Variants in RNASE4 observed in about 807,000 individuals in gnomAD.
RNASE4 encodes ribonuclease A family member 4.
For missense variants in RNASE4, 194 were observed against 192.8 expected, an observed-to-expected ratio of 1.01 and a Z score of -0.04; for synonymous variants, 93 against 71.4, an observed-to-expected ratio of 1.30 and a Z score of -1.52.
intron 1 of RNASE4, among the ~76,000 whole-genome samples, chr14:20,692,993 G>A (rs1210584630): frequency 1.3e-5 from 2 of 150,898 alleles, no homozygotes; most frequent in Non-Finnish European, 3.0e-5. Context: ...GACTACAGGC[G>A]CCCGCCACTA....
chr14:20,690,273 A>AGAACAGCT (rs1409556645), intron 1 of RNASE4, among the ~76,000 whole-genome samples: 1 of 151,328 alleles, frequency 6.6e-6, no homozygotes, highest in African/African-American at 2.4e-5. Flanking sequence ...AAAAGGACAG[A>AGAACAGCT]GAACAGCTGG....
chr14:20,687,497 G>T (rs1886481046), intron 1 of RNASE4, among the ~76,000 whole-genome samples: 1 of 152,200 alleles, frequency 6.6e-6, no homozygotes, highest in Admixed American at 6.5e-5. Flanking sequence ...GGCGCATATG[G>T]GTTGTATGCT....
rs531583796 is a variant in RNASE4 at position 20,694,491 on chromosome 14, G to C, written c.-17-4864G>C. 2.0e-5 allele frequency among the ~76,000 whole-genome samples: 3 copies of C among 151,958 alleles called. No homozygotes were observed. In the South Asian group the frequency reaches 6.2e-4, roughly 32 times the overall value. On this transcript the variant is annotated intron_variant, in intron 1 of 1. Coordinates refer to ENST00000555835, the MANE Select transcript of RNASE4 (RefSeq NM_002937.5). ...ATTTTTGTGTTTTTAGTAGAGACAG[G>C]GTTTCACCGTTTTGGCCAGGTTGGT...
intron 1 of RNASE4, chr14:20,693,893 G>A: frequency 6.2e-7 from 1 of 1,614,162 alleles, no homozygotes; most frequent in East Asian, 2.2e-5. Flanking sequence ...CTACATGGAG[G>A]TTCCCCCTGG....
intron 1 of RNASE4, among the ~76,000 whole-genome samples, chr14:20,695,417 T>C (rs866331289): frequency 1.4e-5 from 2 of 147,886 alleles, no homozygotes; most frequent in East Asian, 3.9e-4. Context: ...AAAAGAAAGA[T>C]CCCAGTTTAT....
At chr14:20,685,905 T>C (rs1397474937) in intron 1 of RNASE4, among the ~76,000 whole-genome samples, 1 of 151,922 alleles carries the variant, frequency 6.6e-6, no homozygotes, top group East Asian at 1.9e-4. Flanking sequence ...CCGGGCACGG[T>C]GGTGAGCACC....
intron 1 of RNASE4, among the ~76,000 whole-genome samples, chr14:20,688,489 T>A (rs1259957283): frequency 2.0e-5 from 3 of 152,138 alleles, no homozygotes; most frequent in African/African-American, 7.2e-5. Flanking sequence ...TCCAGACTAT[T>A]ATGTGTGAAT....
intron 1 of RNASE4, among the ~76,000 whole-genome samples, chr14:20,688,135 G>T (rs1412342912): frequency 6.6e-6 from 1 of 152,150 alleles, no homozygotes; most frequent in Non-Finnish European, 1.5e-5. Flanking sequence ...GTCTCTTGTG[G>T]ACAGGTAAAG....
chr14:20,696,476 A>C (rs542427723), intron 1 of RNASE4, among the ~76,000 whole-genome samples: 59 of 152,310 alleles, frequency 3.9e-4, no homozygotes, highest in African/African-American at 1.4e-3. Flanking sequence ...AAAAGAAGGA[A>C]CACTCCAAAA....
chr14:20,693,945 T>G, intron 1 of RNASE4: 1 of 1,614,080 alleles, frequency 6.2e-7, no homozygotes, highest in Non-Finnish European at 8.5e-7. Flanking sequence ...TCAGAAACGT[T>G]GTTGTTGCTT....
Position 20,699,769 on chromosome 14 carries a change from T to C in RNASE4, c.398T>C (p.Ile133Thr), listed in dbSNP as rs779717316. 3.1e-6 allele frequency: 5 copies of C among 1,612,382 alleles called. No individual in the cohort carries two copies. The highest frequency in any genetic ancestry group is 4.2e-6 in the Non-Finnish European group (5 of 1,180,002). ...RAIASTRRVV[I>T]ACEGNPQVPV... ...ATAGCGAGCACTAGACGTGTTGTCA[T>C]TGCCTGTGAGGGTAACCCACAGGTG... Residue 133 changes from isoleucine to threonine, a missense_variant, in exon 2 of 2, where the codon ATT (isoleucine) becomes ACT (threonine). Coordinates refer to ENST00000555835, the MANE Select transcript of RNASE4 (RefSeq NM_002937.5).
rs1594216295 is a variant in RNASE4, at chr14:20,700,929, C to T, written c.*1114C>T. On this transcript the variant is annotated 3_prime_UTR_variant, in exon 2 of 2. Transcript: ENST00000555835. ...AAGAAGTGAAAATAACCAATTCCTG[C>T]CTTAACTGATGACATTCCACCACTG... is the stretch of plus-strand genomic sequence containing the variant. 6.6e-6 allele frequency: 1 copy of T among 152,224 alleles called. No homozygotes were observed. The highest frequency in any genetic ancestry group is 2.1e-4 in the South Asian group (1 of 4,838). The allele number at this position is 152,224 out of a possible 1,614,324, so 9.4% of individuals were successfully genotyped here.
At position 20,699,576 on chromosome 14, in the gene RNASE4, C is replaced by A; in HGVS notation, c.205C>A (p.Arg69Ser). The A allele has an allele frequency of 6.2e-7, 1 of 1,614,162 alleles. No individual in the cohort carries two copies. Residue 69 changes from arginine (R) to serine (S), a missense_variant, in exon 2 of 2, where the codon CGC becomes AGC. Transcript: ENST00000555835. The part of the protein sequence containing the change: ...RRKMTLYHCK[R>S]FNTFIHEDIW... Reference sequence around the variant, plus strand: ...GAAGATGACTTTGTATCACTGCAAGCGCTTCAACACCTTCATCCATGAAGA... The same window carrying A: ...GAAGATGACTTTGTATCACTGCAAGAGCTTCAACACCTTCATCCATGAAGA...
At position 20,700,057 on chromosome 14, in the gene RNASE4, T is replaced by C. The variant is rs924344786; in HGVS notation, c.*242T>C. 9 of 529,628 alleles carry C rather than the reference T, an allele frequency of 1.7e-5. No individual in the cohort carries two copies. The highest frequency in any genetic ancestry group is 5.0e-4 in the Middle Eastern group (1 of 1,988). 32.8% of individuals were successfully genotyped at this position (529,628 alleles called of 1,614,324 possible). ...CTTTTATAATACTGGTCAGCTTAGCTCTCTCAGATCCTATCCTGTGGAATT... is the reference window on the plus strand; with the variant it reads ...CTTTTATAATACTGGTCAGCTTAGCCCTCTCAGATCCTATCCTGTGGAATT... On this transcript the variant is annotated 3_prime_UTR_variant, in exon 2 of 2. Transcript: ENST00000555835.
chr14:20,699,283 T>C, intron 1 of RNASE4, 72 bp from the exon 2 acceptor site: 1 of 1,313,572 alleles, frequency 7.6e-7, no homozygotes, highest in Non-Finnish European at 1.0e-6. Context: ...GATGCCGGCT[T>C]GCTATTCTCA....
chr14:20,694,040 C>T (rs199849853), intron 1 of RNASE4: 3 of 1,612,382 alleles, frequency 1.9e-6, no homozygotes, highest in Admixed American at 1.7e-5. Flanking sequence ...GCTGGCTCTG[C>T]TGTCCTTGCC....
At chr14:20,685,858 G>C (rs1426013392) in intron 1 of RNASE4, among the ~76,000 whole-genome samples, 1 of 151,970 alleles carries the variant, frequency 6.6e-6, no homozygotes, top group Admixed American at 6.6e-5. Context: ...TGGCCAAGAT[G>C]GTGAAACCTC....
Position 20,693,997 on chromosome 14 carries a change from C to T in RNASE4, c.-17-5358C>T, listed in dbSNP as rs565444731. 2.2e-5 allele frequency: 35 copies of T among 1,614,012 alleles called. No homozygotes were observed. The highest frequency in any genetic ancestry group is 8.8e-5 in the South Asian group (8 of 91,060). The stretch of plus-strand genomic sequence containing the variant: ...TGTCCACTTGGATCAGTCAATTTTC[C>T]GTCGTCCGTAACCAGCGGGCCCCTG... On this transcript the variant is annotated intron_variant, in intron 1 of 1. Transcript: ENST00000555835.
In RNASE4 at chr14:20,693,501, G is replaced by A. The variant is rs982609071; in HGVS notation, c.-17-5854G>A. ...GCTCCTGTCCTTTTGGCCTAATTTG[G>A]TGATGCTGTTCTTGGGTCTACCACA... On this transcript the variant is annotated intron_variant, in intron 1 of 1. Transcript: ENST00000555835. 3.1e-6 allele frequency: 5 copies of A among 1,603,184 alleles called. No homozygotes were observed. The African/African-American group carries it at 4.0e-5, about 13-fold the overall frequency.
Sources: gnomAD v4.1 joint callset for allele counts (sites outside exome capture counted in the v4.1 genomes callset) on GRCh38, gnomAD v4.1.1 for gene constraint, MANE v1.5 for transcripts, NCBI Gene and HGNC (gene_info 2026-07-23, HGNC 2026-07-21) for gene names.